ADGRB3: variants seen among roughly 807,000 people sequenced by gnomAD.
The protein encoded by ADGRB3 is adhesion G protein-coupled receptor B3.
ADGRB3 carries 37 observed loss-of-function variants against 193.4 expected under a neutral mutation model. That is an observed-to-expected ratio of 0.19 (90% CI 0.15 to 0.25). The LOEUF (loss-of-function observed/expected upper bound fraction) is 0.25, where lower values mean the gene tolerates loss of function less well. Among genes scored for constraint, ADGRB3 ranks in the 10% least tolerant of loss-of-function variants. ADGRB3 has a pLI of 1.00. For missense variants in ADGRB3, 1,637 were observed against 1,852.9 expected (o/e 0.88, Z 2.14); for synonymous variants, 690 against 644.2 (o/e 1.07, Z -1.08).
chr6:68,780,675 T>C (rs1766835614), intron 3 of ADGRB3, among the ~76,000 whole-genome samples: 1 of 152,132 alleles, frequency 6.6e-6, no homozygotes, highest in African/African-American at 2.4e-5. Flanking sequence ...TCTGGTGTGC[T>C]AAGCACAAGG....
Position 68,639,258 on chromosome 6 carries a change from A to G in ADGRB3, c.583A>G (p.Lys195Glu). 1 of 1,614,166 alleles carries G rather than the reference A, an allele frequency of 6.2e-7. No individual in the cohort carries two copies. Among genetic ancestry groups the G allele is most frequent in the Non-Finnish European group, 8.5e-7 (1 of 1,180,038 alleles). Residue 195 changes from lysine (K) to glutamate (E), a missense_variant, in exon 3 of 32, where the codon AAA (lysine) becomes GAA (glutamate). Lys to Glu is a moderately conservative substitution (Grantham distance 56, BLOSUM62 1). Around this residue, in one of 7 missense-constraint regions of ADGRB3, gnomAD observed 365 missense variants for 409.8 expected, o/e 0.89. Transcript: ENST00000370598. Reference protein sequence around the residue: ...RTESCGIMYTKCTCPQHLGEW... With the variant: ...RTESCGIMYTECTCPQHLGEW... Reference sequence around the variant, plus strand: ...AGAATCATGTGGGATCATGTATACAAAATGCACCTGCCCTCAGCATTTGGG... The same window carrying G: ...AGAATCATGTGGGATCATGTATACAGAATGCACCTGCCCTCAGCATTTGGG...
intron 3 of ADGRB3, among the ~76,000 whole-genome samples, chr6:68,860,735 AT>A (rs1030447922): frequency 6.6e-6 from 1 of 151,934 alleles, no homozygotes; most frequent in Non-Finnish European, 1.5e-5. Flanking sequence ...TGATATGACA[AT>A]TTTTTTTCCT....
intron 3 of ADGRB3, among the ~76,000 whole-genome samples, chr6:68,911,188 G>A (rs371609104): frequency 6.2e-5 from 9 of 146,198 alleles, no homozygotes; most frequent in Non-Finnish European, 1.2e-4. Context: ...AACACTGCAT[G>A]TTCTCATTCA....
chr6:69,025,945 G>A (rs1770421591), intron 13 of ADGRB3, among the ~76,000 whole-genome samples: 2 of 152,192 alleles, frequency 1.3e-5, no homozygotes, highest in African/African-American at 4.8e-5. Context: ...CTGCCCAGGT[G>A]TGTAATGGGC....
chr6:68,778,357 A>G (rs1478593413), intron 3 of ADGRB3, among the ~76,000 whole-genome samples: 1 of 152,110 alleles, frequency 6.6e-6, no homozygotes, highest in Non-Finnish European at 1.5e-5. Flanking sequence ...TAGCTTGTTC[A>G]TGTACATGTA....
intron 17 of ADGRB3, among the ~76,000 whole-genome samples, chr6:69,086,165 A>C (rs1022973689): frequency 6.6e-6 from 1 of 152,154 alleles, no homozygotes; most frequent in South Asian, 2.1e-4. Flanking sequence ...TGGCATTTAA[A>C]AATATACATA....
intron 11 of ADGRB3, among the ~76,000 whole-genome samples, chr6:69,003,638 A>G (rs1249817026): frequency 6.6e-6 from 1 of 152,200 alleles, no homozygotes; most frequent in Non-Finnish European, 1.5e-5. Context: ...TGGTATAGAA[A>G]GCCTAACATA....
chr6:69,331,581 A>C, intron 23 of ADGRB3: 2 of 985,406 alleles, frequency 2.0e-6, no homozygotes, highest in Non-Finnish European at 2.4e-6. Flanking sequence ...GAAACTGTCT[A>C]TAATTTGCAA....
At chr6:69,384,778 A>G (rs1770027033) in intron 31 of ADGRB3, among the ~76,000 whole-genome samples, 1 of 151,922 alleles carries the variant, frequency 6.6e-6, no homozygotes, top group South Asian at 2.1e-4. Flanking sequence ...TAAATATCTG[A>G]GAAGAGAGAG....
At chr6:68,827,800 A>T (rs1312356433) in intron 3 of ADGRB3, among the ~76,000 whole-genome samples, 1 of 152,094 alleles carries the variant, frequency 6.6e-6, no homozygotes, top group Non-Finnish European at 1.5e-5. Context: ...TGCATAATCT[A>T]GCCCCTTTCT....
At chr6:68,881,692 G>T (rs1008270201) in intron 3 of ADGRB3, among the ~76,000 whole-genome samples, 1 of 152,150 alleles carries the variant, frequency 6.6e-6, no homozygotes, top group Non-Finnish European at 1.5e-5. Context: ...AGAAATTACA[G>T]TTCACTGTGG....
intron 3 of ADGRB3, among the ~76,000 whole-genome samples, chr6:68,784,571 C>T (rs1281674369): frequency 6.6e-6 from 1 of 152,032 alleles, no homozygotes; most frequent in Non-Finnish European, 1.5e-5. Context: ...CAATTGTCTA[C>T]ATCTCAAAAA....
chr6:68,735,176 A>G (rs1765847830), intron 3 of ADGRB3, among the ~76,000 whole-genome samples: 2 of 152,030 alleles, frequency 1.3e-5, no homozygotes, highest in South Asian at 4.1e-4. Flanking sequence ...CAATGACATA[A>G]GCATGATCAA....
chr6:69,154,224 T>A (rs1485062535), intron 17 of ADGRB3, among the ~76,000 whole-genome samples: 1 of 152,292 alleles, frequency 6.6e-6, no homozygotes, highest in South Asian at 2.1e-4. Flanking sequence ...GTAGTTCCCA[T>A]GTGATGATGA....
At chr6:68,803,568 C>T (rs1582214860) in intron 3 of ADGRB3, among the ~76,000 whole-genome samples, 1 of 152,194 alleles carries the variant, frequency 6.6e-6, no homozygotes, top group East Asian at 1.9e-4. Context: ...CCAATCTAGA[C>T]TTTTGCCATA....
chr6:69,375,436 T>G (rs1431180080), intron 30 of ADGRB3, among the ~76,000 whole-genome samples: 5 of 152,038 alleles, frequency 3.3e-5, no homozygotes, highest in African/African-American at 1.2e-4. Context: ...AATTTGGTCC[T>G]TAACTGAACA....
chr6:69,039,867 G>A (rs903779713), intron 13 of ADGRB3, among the ~76,000 whole-genome samples: 6 of 150,144 alleles, frequency 4.0e-5, no homozygotes, highest in African/African-American at 9.8e-5. Context: ...TTAGCCTCCC[G>A]AGTAGCTGGG....
intron 13 of ADGRB3, among the ~76,000 whole-genome samples, chr6:69,040,320 T>TCTTTCTTTCTTTC: frequency 2.5e-5 from 1 of 40,526 alleles, no homozygotes; most frequent in Non-Finnish European, 5.0e-5. Flanking sequence ...TTTCTTTCTT[T>TCTTTCTTTCTTTC]CTTTCTTTCT....
chr6:68,959,036 T>C (rs566475836), intron 8 of ADGRB3, among the ~76,000 whole-genome samples: 1 of 152,186 alleles, frequency 6.6e-6, no homozygotes, highest in African/African-American at 2.4e-5. Flanking sequence ...TCTTAGAGAA[T>C]TTTTTTAATT....
Sources: gnomAD v4.1 joint callset for allele counts (sites outside exome capture counted in the v4.1 genomes callset) on GRCh38, gnomAD v4.1.1 for gene constraint, gnomAD v4.1.1 regional missense constraint, MANE v1.5 for transcripts, NCBI Gene and HGNC (gene_info 2026-07-23, HGNC 2026-07-21) for gene names.